Variants in MACROD2 observed in about 807,000 individuals in gnomAD.
MACROD2 encodes mono-ADP ribosylhydrolase 2.
Under a neutral mutation model 70.4 loss-of-function variants are expected in MACROD2, and 36 were observed. The observed-to-expected ratio is 0.51, with a 90% CI of 0.39 to 0.68. The LOEUF (loss-of-function observed/expected upper bound fraction) is 0.68. MACROD2 is among the 30% of genes least tolerant of loss of function. The pLI, the probability that MACROD2 is intolerant of heterozygous loss-of-function variation, is 0.00. For missense variants in MACROD2, 496 were observed against 538.4 expected (o/e 0.92, Z 0.78); for synonymous variants, 172 against 178.8 (o/e 0.96, Z 0.30).
chr20:14,988,355 CAAAAAA>C (rs11087116), intron 5 of MACROD2, among the ~76,000 whole-genome samples: 4 of 112,224 alleles, frequency 3.6e-5, no homozygotes, highest in Admixed American at 1.9e-4. Context: ...GAGACTCTGT[CAAAAAA>C]AAAAAAAAAA....
chr20:14,504,245 A>C (rs1383737456), intron 4 of MACROD2, among the ~76,000 whole-genome samples: 3 of 152,218 alleles, frequency 2.0e-5, no homozygotes, highest in African/African-American at 7.2e-5. Flanking sequence ...TGGGGTGCTG[A>C]TCTGTGCCAG....
In MACROD2 at chr20:14,092,238, T is replaced by C. The variant is rs532855575; in HGVS notation, c.271+6510T>C. On this transcript the variant is annotated intron_variant, in intron 3 of 17. Coordinates refer to ENST00000684519, the MANE Select transcript of MACROD2 (RefSeq NM_001351661.2). Reference sequence around the variant, plus strand: ...GAATCAGCATCATCATTATTTTAATTTGTGTTTCCCCAAAGGTTAATTATG... The same window carrying C: ...GAATCAGCATCATCATTATTTTAATCTGTGTTTCCCCAAAGGTTAATTATG... Among the ~76,000 whole-genome samples the C allele has an allele frequency of 3.9e-5, 6 of 152,334 alleles. No homozygotes were observed. The East Asian group carries it at 1.2e-3, about 29-fold the overall frequency.
chr20:15,269,420 A>G (rs780983827), intron 6 of MACROD2, among the ~76,000 whole-genome samples: 2 of 152,202 alleles, frequency 1.3e-5, no homozygotes, highest in African/African-American at 2.4e-5. Context: ...CCATCTCGCT[A>G]TGGCTCCCTT....
At chr20:14,869,289 G>A (rs1401134391) in intron 5 of MACROD2, among the ~76,000 whole-genome samples, 1 of 152,026 alleles carries the variant, frequency 6.6e-6, no homozygotes, top group Non-Finnish European at 1.5e-5. Context: ...ACATTCTTTT[G>A]TATCCGTTAG....
chr20:14,035,896 A>G (rs2148635757), intron 2 of MACROD2, among the ~76,000 whole-genome samples: 1 of 152,340 alleles, frequency 6.6e-6, no homozygotes, highest in South Asian at 2.1e-4. Flanking sequence ...TAATCCCAAC[A>G]CTTTGGGAGG....
intron 8 of MACROD2, among the ~76,000 whole-genome samples, chr20:15,735,783 C>A (rs1418338546): frequency 6.6e-6 from 1 of 152,186 alleles, no homozygotes; most frequent in Non-Finnish European, 1.5e-5. Context: ...CTACCCAGGT[C>A]TCCAGGTCAA....
At chr20:14,263,794 C>CCA (rs371327492) in intron 3 of MACROD2, among the ~76,000 whole-genome samples, 2,157 of 150,412 alleles carry the variant, frequency 0.014, 39 homozygotes, top group African/African-American at 0.044. Flanking sequence ...AATCCCGACT[C>CCA]CACACACACA....
intron 10 of MACROD2, among the ~76,000 whole-genome samples, chr20:15,889,554 C>T (rs978322684): frequency 6.6e-6 from 1 of 152,146 alleles, no homozygotes; most frequent in Non-Finnish European, 1.5e-5. Context: ...CAGACATGGT[C>T]ATCTGCAAGG....
intron 8 of MACROD2, among the ~76,000 whole-genome samples, chr20:15,817,088 AT>A (rs2063884825): frequency 2.6e-5 from 4 of 152,176 alleles, no homozygotes; most frequent in Admixed American, 2.0e-4. Context: ...CTCAATTAAC[AT>A]GTCTTGTTAT....
chr20:15,074,298 A>G (rs745954277), intron 5 of MACROD2, among the ~76,000 whole-genome samples: 25 of 152,138 alleles, frequency 1.6e-4, no homozygotes, highest in Non-Finnish European at 3.5e-4. Context: ...AGTGGCCAAT[A>G]ATTTAATCAA....
intron 7 of MACROD2, among the ~76,000 whole-genome samples, chr20:15,460,598 G>A (rs2046794513): frequency 6.6e-6 from 1 of 152,130 alleles, no homozygotes; most frequent in African/African-American, 2.4e-5. Context: ...CCCTTAGAAT[G>A]GTAGCTGCTT....
chr20:16,044,790 TA>T lies in MACROD2; in HGVS notation c.1300+153del, dbSNP rs965299789. The T allele has an allele frequency of 1.2e-5, 8 of 686,064 alleles. No homozygotes were observed. The African/African-American group carries it at 1.4e-4, about 12-fold the overall frequency. 42.5% of individuals were successfully genotyped at this position (686,064 alleles called of 1,614,324 possible). A position where few individuals can be genotyped will look rare whatever the true frequency, so the allele number is the denominator to read the frequency against. ...AATCTTTAAACCAAATAACACAGCG[TA>T]AGGGGAAACGATCACCCCTAGAAGC... On this transcript the variant is annotated intron_variant, in intron 17 of 17. Transcript: ENST00000684519.
At chr20:14,572,295 G>T (rs971428588) in intron 4 of MACROD2, among the ~76,000 whole-genome samples, 1 of 152,042 alleles carries the variant, frequency 6.6e-6, no homozygotes, top group Non-Finnish European at 1.5e-5. Context: ...AATATTTACA[G>T]CCTGGAGCAA....
chr20:15,117,575 C>T (rs1217986670), intron 5 of MACROD2, among the ~76,000 whole-genome samples: 2 of 152,164 alleles, frequency 1.3e-5, no homozygotes, highest in Admixed American at 6.5e-5. Context: ...AAAACTCATT[C>T]TCTCTCCCAT....
chr20:15,962,018 A>G (rs1386556696), intron 12 of MACROD2, among the ~76,000 whole-genome samples: 1 of 152,206 alleles, frequency 6.6e-6, no homozygotes, highest in African/African-American at 2.4e-5. Context: ...TGAAAGGGTA[A>G]TTAAGCATTT....
At chr20:14,464,081 A>G (rs930996252) in intron 3 of MACROD2, among the ~76,000 whole-genome samples, 3 of 151,866 alleles carry the variant, frequency 2.0e-5, no homozygotes, top group Middle Eastern at 3.4e-3. Flanking sequence ...CTCTTTTTCT[A>G]TTGATTGGAA....
At chr20:15,492,322 G>A (rs950344283) in intron 7 of MACROD2, among the ~76,000 whole-genome samples, 1 of 151,630 alleles carries the variant, frequency 6.6e-6, no homozygotes, top group Admixed American at 6.6e-5. Flanking sequence ...AAAAAAAAAT[G>A]TATTGCCCAG....
At chr20:14,364,528 C>T (rs761393138) in intron 3 of MACROD2, among the ~76,000 whole-genome samples, 1 of 152,030 alleles carries the variant, frequency 6.6e-6, no homozygotes, top group Admixed American at 6.5e-5. Flanking sequence ...ATGCAACCAC[C>T]GCCTCTATTT....
At chr20:14,856,327 T>A (rs1254819955) in intron 5 of MACROD2, among the ~76,000 whole-genome samples, 1 of 152,182 alleles carries the variant, frequency 6.6e-6, no homozygotes, top group African/African-American at 2.4e-5. Flanking sequence ...CTGTAAGATA[T>A]ACCTATATTA....
Sources: allele counts gnomAD v4.1 joint callset (sites outside exome capture counted in the v4.1 genomes callset), GRCh38; gene constraint gnomAD v4.1.1; transcripts MANE v1.5; gene names NCBI Gene and HGNC (gene_info 2026-07-23, HGNC 2026-07-21).